COMMD10: variants seen among roughly 807,000 people sequenced by gnomAD.
The protein encoded by COMMD10 is COMM domain-containing protein 10.
A neutral mutation model predicts 28.9 loss-of-function variants in COMMD10; 33 were observed. The observed-to-expected ratio is 1.14, with a 90% CI of 0.87 to 1.53. The LOEUF (loss-of-function observed/expected upper bound fraction) is 1.53. Among genes scored for constraint, COMMD10 ranks in the 40% most tolerant of loss-of-function variants. COMMD10 has a pLI of 0.00. For missense variants in COMMD10, 310 were observed against 233.4 expected, an observed-to-expected ratio of 1.33 and a Z score of -2.14; for synonymous variants, 110 against 81.7, an observed-to-expected ratio of 1.35 and a Z score of -1.87.
intron 5 of COMMD10, among the ~76,000 whole-genome samples, chr5:116,170,713 C>G (rs1324990038): frequency 1.3e-5 from 2 of 152,042 alleles, no homozygotes; most frequent in African/African-American, 4.8e-5. Context: ...TTTGACAAAC[C>G]TGACAAAAAC....
rs906756998 is a variant in COMMD10 at position 116,269,144 on chromosome 5, T to G, written c.511-22373T>G. ...AATGCTTAAACAGAAAAAAAATTGG[T>G]TTTTACTGTCATGAATTTTTCCCAC... On this transcript the variant is annotated intron_variant, in intron 5 of 6. Coordinates refer to ENST00000274458, the MANE Select transcript of COMMD10 (RefSeq NM_016144.4). 4.6e-5 allele frequency among the ~76,000 whole-genome samples: 7 copies of G among 151,618 alleles called. 1 individual carries two copies. The highest frequency in any genetic ancestry group is 1.7e-4 in the African/African-American group (7 of 41,062).
chr5:116,216,703 T>G (rs1284150533), intron 5 of COMMD10, among the ~76,000 whole-genome samples: 1 of 152,028 alleles, frequency 6.6e-6, no homozygotes, highest in Non-Finnish European at 1.5e-5. Context: ...CCAGCTTATT[T>G]TTGCATTTTT....
At chr5:116,175,612 A>G (rs142832440) in intron 5 of COMMD10, among the ~76,000 whole-genome samples, 408 of 34,288 alleles carry the variant, frequency 0.012, 3 homozygotes, top group African/African-American at 0.046. Context: ...CAAAAGGTGG[A>G]GGCAACCCAA....
intron 5 of COMMD10, among the ~76,000 whole-genome samples, chr5:116,203,818 A>G (rs1052837281): frequency 2.6e-5 from 4 of 152,160 alleles, no homozygotes; most frequent in African/African-American, 9.7e-5. Context: ...GAGACTAGGA[A>G]GAAACTGCAT....
chr5:116,220,107 G>A (rs188898692), intron 5 of COMMD10, among the ~76,000 whole-genome samples: 262 of 152,188 alleles, frequency 1.7e-3, no homozygotes, highest in Non-Finnish European at 2.9e-3. Flanking sequence ...ATAGACAATT[G>A]GGAGATAATT....
chr5:116,256,296 G>A (rs926194482), intron 5 of COMMD10, among the ~76,000 whole-genome samples: 1 of 151,662 alleles, frequency 6.6e-6, no homozygotes, highest in African/African-American at 2.4e-5. Context: ...TCGAACTTCT[G>A]TTCCTTTTGG....
intron 1 of COMMD10, among the ~76,000 whole-genome samples, chr5:116,086,331 CTG>C (rs534335083): frequency 1.8e-4 from 28 of 152,204 alleles, no homozygotes; most frequent in Non-Finnish European, 3.7e-4. Flanking sequence ...CATCAGTAAA[CTG>C]TATCCAATAT....
intron 5 of COMMD10, among the ~76,000 whole-genome samples, chr5:116,215,714 ATATATATATATATATATG>A (rs1286865310): frequency 8.3e-6 from 1 of 120,120 alleles, no homozygotes; most frequent in Non-Finnish European, 1.6e-5. Flanking sequence ...ATATATATAT[ATATATATATATATATATG>A]TATATATAAT....
chr5:116,106,660 G>T (rs1050501960), intron 4 of COMMD10, among the ~76,000 whole-genome samples: 2 of 152,036 alleles, frequency 1.3e-5, no homozygotes, highest in African/African-American at 4.8e-5. Flanking sequence ...TTATGAATTG[G>T]GGTGCTCCTG....
chr5:116,207,698 G>T (rs1024376254), intron 5 of COMMD10, among the ~76,000 whole-genome samples: 5 of 151,992 alleles, frequency 3.3e-5, no homozygotes, highest in African/African-American at 1.2e-4. Flanking sequence ...GCTAATTTCT[G>T]TGTTTTTAGT....
chr5:116,169,097 C>A (rs778720477), intron 5 of COMMD10, among the ~76,000 whole-genome samples: 1 of 152,104 alleles, frequency 6.6e-6, no homozygotes, highest in Non-Finnish European at 1.5e-5. Context: ...AAATAGACCT[C>A]TAGCCACACT....
At chr5:116,266,306 A>G (rs1180309456) in intron 5 of COMMD10, among the ~76,000 whole-genome samples, 2 of 151,736 alleles carry the variant, frequency 1.3e-5, no homozygotes, top group Non-Finnish European at 2.9e-5. Flanking sequence ...GGTATTATGG[A>G]TCCAAATTGT....
intron 4 of COMMD10, among the ~76,000 whole-genome samples, chr5:116,127,320 C>T (rs1384126296): frequency 5.9e-5 from 9 of 151,970 alleles, no homozygotes; most frequent in African/African-American, 1.9e-4. Context: ...GCTTTTACAC[C>T]TTTGGTGGGA....
At chr5:116,197,448 C>A (rs781005773) in intron 5 of COMMD10, among the ~76,000 whole-genome samples, 5 of 151,984 alleles carry the variant, frequency 3.3e-5, no homozygotes, top group Non-Finnish European at 5.9e-5. Context: ...GTGGTGTGAT[C>A]TTGGCTCACT....
intron 5 of COMMD10, among the ~76,000 whole-genome samples, chr5:116,285,656 A>T (rs1017215306): frequency 6.6e-6 from 1 of 152,012 alleles, no homozygotes; most frequent in Non-Finnish European, 1.5e-5. Context: ...GTAATACACT[A>T]ATCAATTTTC....
At chr5:116,170,910 C>T (rs1238413762) in intron 5 of COMMD10, among the ~76,000 whole-genome samples, 1 of 152,134 alleles carries the variant, frequency 6.6e-6, no homozygotes, top group African/African-American at 2.4e-5. Context: ...CAATGCCATT[C>T]AAGACATAGG....
intron 5 of COMMD10, among the ~76,000 whole-genome samples, chr5:116,188,854 T>G (rs1007562069): frequency 1.1e-4 from 17 of 152,308 alleles, no homozygotes; most frequent in African/African-American, 3.6e-4. Context: ...AGTCGTGAAC[T>G]TGTGAGTTCA....
At chr5:116,248,097 C>CT (rs1358425406) in intron 5 of COMMD10, among the ~76,000 whole-genome samples, 1 of 151,346 alleles carries the variant, frequency 6.6e-6, no homozygotes, top group African/African-American at 2.4e-5. Context: ...AAGAATACCA[C>CT]TTTTACTGCT....
At chr5:116,256,688 G>A (rs764997325) in intron 5 of COMMD10, among the ~76,000 whole-genome samples, 1 of 151,772 alleles carries the variant, frequency 6.6e-6, no homozygotes, top group African/African-American at 2.4e-5. Flanking sequence ...GTTGGGATGG[G>A]ACCCAAGTCT....
Sources: gnomAD v4.1 joint callset for allele counts (sites outside exome capture counted in the v4.1 genomes callset) on GRCh38, gnomAD v4.1.1 for gene constraint, MANE v1.5 for transcripts, NCBI Gene and HGNC (gene_info 2026-07-23, HGNC 2026-07-21) for gene names.